SPAG9: variants seen among roughly 807,000 people sequenced by gnomAD.
The protein encoded by SPAG9 is sperm associated antigen 9.
In SPAG9, 35 loss-of-function variants were observed where a neutral mutation model predicts 166.5. That is an observed-to-expected ratio of 0.21 (90% confidence interval 0.16 to 0.28). The LOEUF is 0.28. Ranked by LOEUF, SPAG9 falls within the 10% of genes least tolerant of loss-of-function variation. SPAG9 has a pLI of 1.00. For missense variants in SPAG9, 1,235 were observed against 1,603.3 expected (o/e 0.77, Z 3.92); for synonymous variants, 534 against 565.5 (o/e 0.94, Z 0.79).
chr17:50,982,676 T>A lies in SPAG9; in HGVS notation c.3089-4A>T. Reference sequence around the variant, plus strand: ...TTTGACAAATCCCACTGCCCATCTTTAAAAAAAATAAAAGGTTATAGTAAA... The same window carrying A: ...TTTGACAAATCCCACTGCCCATCTTAAAAAAAAATAAAAGGTTATAGTAAA... On this transcript the variant is annotated splice_region_variant and splice_polypyrimidine_tract_variant and intron_variant, in intron 24 of 29. Coordinates refer to ENST00000262013, the MANE Select transcript of SPAG9 (RefSeq NM_001130528.3). 3 of 1,591,938 alleles carry A rather than the reference T, an allele frequency of 1.9e-6. No individual in the cohort carries two copies. The highest frequency in any genetic ancestry group is 2.6e-6 in the Non-Finnish European group (3 of 1,172,580).
chr17:51,053,850 AAAAAGTATATATATATATATATAT>A, intron 3 of SPAG9, among the ~76,000 whole-genome samples: 1 of 57,210 alleles, frequency 1.7e-5, no homozygotes, highest in East Asian at 5.2e-4. Flanking sequence ...AAAAAAAAAA[AAAAAGTATATATATATATATATAT>A]ATATATATAT....
In SPAG9 at chr17:51,014,353, G is replaced by A; in HGVS notation, c.1092C>T (p.Ser364=). The A allele has an allele frequency of 6.2e-7, 1 of 1,604,980 alleles. No homozygotes were observed. Among genetic ancestry groups the A allele is most frequent in the Non-Finnish European group, 8.5e-7 (1 of 1,175,950 alleles). Reference sequence around the variant, plus strand: ...TGTTCTCTATGCCTTTGGTGGGAGTGCTATGCAACAAGAACAACAAAACCA... The same window carrying A: ...TGTTCTCTATGCCTTTGGTGGGAGTACTATGCAACAAGAACAACAAAACCA... ...DKDLSGYKGS[S]TPTKGIENKA... The change falls in exon 9 of 30, where the codon AGC becomes AGT. Residue 364 remains serine, a splice_region_variant and synonymous_variant. Coordinates refer to ENST00000262013, the MANE Select transcript of SPAG9 (RefSeq NM_001130528.3).
chr17:51,106,979 G>A (rs1038548275), intron 1 of SPAG9, among the ~76,000 whole-genome samples: 3 of 151,340 alleles, frequency 2.0e-5, no homozygotes, highest in African/African-American at 7.3e-5. Context: ...GTGCACGCCT[G>A]TAGTCCCAGC....
chr17:50,984,899 T>C (rs765681555), intron 24 of SPAG9, 24 bp downstream of exon 24: 16 of 1,597,004 alleles, frequency 1.0e-5, no homozygotes, highest in Non-Finnish European at 1.4e-5. Context: ...TTAGTGTCCA[T>C]GTTATACACA....
At chr17:51,054,294 A>T (rs1322908901) in intron 3 of SPAG9, among the ~76,000 whole-genome samples, 1 of 148,964 alleles carries the variant, frequency 6.7e-6, no homozygotes, top group Non-Finnish European at 1.5e-5. Flanking sequence ...TTTTGTATAT[A>T]TTTTTTTTGG....
intron 6 of SPAG9, 89 bp downstream of exon 6, chr17:51,031,592 G>T: frequency 1.1e-6 from 1 of 910,392 alleles, no homozygotes; most frequent in Non-Finnish European, 1.8e-6. Flanking sequence ...CTGAGCATCT[G>T]ATGTCTTGAG....
rs369669997 is a variant in SPAG9, at chr17:50,993,895, C to G, written c.2267G>C (p.Ser756Thr). 1.4e-5 allele frequency: 22 copies of G among 1,614,048 alleles called. No individual in the cohort carries two copies. Among genetic ancestry groups the G allele is most frequent in the Non-Finnish European group, 1.8e-5 (21 of 1,180,028 alleles). ...KELKNQEELS[S>T]LVWICTSTHS... is the part of the protein sequence containing the mutation. Reference sequence around the variant, plus strand: ...AGTGCTGGTACAGATCCAAACTAGACTGGATAATTCTTCTTGATTTTTTAA... The same window carrying G: ...AGTGCTGGTACAGATCCAAACTAGAGTGGATAATTCTTCTTGATTTTTTAA... Residue 756 changes from serine to threonine, a missense_variant, in exon 19 of 30, where the codon AGT becomes ACT. Transcript: ENST00000262013.
At chr17:50,970,410 G>A (rs1301200592) in intron 29 of SPAG9, among the ~76,000 whole-genome samples, 1 of 151,498 alleles carries the variant, frequency 6.6e-6, no homozygotes, top group Non-Finnish European at 1.5e-5. Context: ...GCTACCTGGG[G>A]GGCTGAAGCA....
At position 51,007,262 on chromosome 17, in the gene SPAG9, T is replaced by C. The variant is rs1194851107; in HGVS notation, c.1271+7A>G. ...TTATCTTCTGTTAAAATTTCACATATACTTACTTGGTTTCCAACAGTTGTG... is the reference window on the plus strand; with the variant it reads ...TTATCTTCTGTTAAAATTTCACATACACTTACTTGGTTTCCAACAGTTGTG... On this transcript the variant is annotated splice_region_variant and intron_variant, in intron 10 of 29. Coordinates refer to ENST00000262013, the MANE Select transcript of SPAG9 (RefSeq NM_001130528.3). The C allele has an allele frequency of 2.0e-6, 3 of 1,524,568 alleles. No individual in the cohort carries two copies. Among genetic ancestry groups the C allele is most frequent in the South Asian group, 1.2e-5 (1 of 85,374 alleles). 94.4% of individuals were successfully genotyped at this position (1,524,568 alleles called of 1,614,324 possible). A position where few individuals can be genotyped will look rare whatever the true frequency, so the allele number is the denominator to read the frequency against.
rs1237391358 is a variant in SPAG9 at position 50,989,604 on chromosome 17, G to A, written c.2813+73C>T. On this transcript the variant is annotated intron_variant, in intron 21 of 29. Transcript: ENST00000262013. ...ACTAATTAGTGGAAATCTTTTGACT[G>A]TTTGAGATTATTTTGGTTCCTTTTA... is the stretch of plus-strand genomic sequence containing the variant. The A allele has an allele frequency of 3.4e-6, 4 of 1,175,468 alleles. No homozygotes were observed. In the Admixed American group the frequency reaches 7.7e-5, roughly 23 times the overall value. 72.8% of individuals were successfully genotyped at this position (1,175,468 alleles called of 1,614,324 possible).
intron 1 of SPAG9, among the ~76,000 whole-genome samples, chr17:51,116,539 G>A (rs1356570361): frequency 6.6e-6 from 1 of 152,168 alleles, no homozygotes. Flanking sequence ...CCACAAGGCA[G>A]GAGGATCACT....
intron 12 of SPAG9, among the ~76,000 whole-genome samples, chr17:51,004,506 C>G (rs917306728): frequency 6.6e-6 from 1 of 152,024 alleles, no homozygotes; most frequent in African/African-American, 2.4e-5. Context: ...GGGAGGCTGA[C>G]CAGGGTGGAT....
chr17:51,089,245 A>G (rs1052455080), intron 1 of SPAG9, among the ~76,000 whole-genome samples: 1 of 151,716 alleles, frequency 6.6e-6, no homozygotes, highest in Non-Finnish European at 1.5e-5. Context: ...CCAACATGGT[A>G]AAGCCCTGTC....
In SPAG9 at chr17:51,005,199, A is replaced by G. The variant is rs1242362500; in HGVS notation, c.1476+13T>C. On this transcript the variant is annotated intron_variant, in intron 12 of 29. Transcript: ENST00000262013. ...GGTAAGGTAAGAAAAAAAGTCCAAAATTGTAAACCTACATCATCGTCATCT... is the reference window on the plus strand; with the variant it reads ...GGTAAGGTAAGAAAAAAAGTCCAAAGTTGTAAACCTACATCATCGTCATCT... The G allele has an allele frequency of 6.2e-7, 1 of 1,613,310 alleles. No homozygotes were observed. The highest frequency in any genetic ancestry group is 1.3e-5 in the African/African-American group (1 of 74,920).
At chr17:51,088,576 C>T (rs2048360515) in intron 1 of SPAG9, among the ~76,000 whole-genome samples, 1 of 152,160 alleles carries the variant, frequency 6.6e-6, no homozygotes, top group South Asian at 2.1e-4. Flanking sequence ...GTGGGCAGAT[C>T]ACGAGATCAG....
intron 2 of SPAG9, among the ~76,000 whole-genome samples, chr17:51,071,619 C>T (rs2144596300): frequency 6.6e-6 from 1 of 152,312 alleles, no homozygotes; most frequent in South Asian, 2.1e-4. Flanking sequence ...ATAGACTCAA[C>T]TTTTCAACAT....
At position 51,025,316 on chromosome 17, in the gene SPAG9, C is replaced by CAAA. The variant is rs10549685; in HGVS notation, c.784-3954_784-3952dup. On this transcript the variant is annotated intron_variant, in intron 6 of 29. Coordinates refer to ENST00000262013, the MANE Select transcript of SPAG9 (RefSeq NM_001130528.3). ...CTGGTGACAGGGTGAGACTCTGTCT[C>CAAA]AAAAAAAAAAAAAAAAAAAAAAAAA... Among the ~76,000 whole-genome samples the CAAA allele has an allele frequency of 2.3e-3, 140 of 61,112 alleles. 12 individuals carry two copies. Among genetic ancestry groups the CAAA allele is most frequent in the Middle Eastern group, 0.014 (1 of 74 alleles). 40.1% of individuals were successfully genotyped at this position (61,112 alleles called of 152,430 possible).
At chr17:50,974,646 C>T in intron 28 of SPAG9, 125 bp downstream of exon 28, 1 of 782,388 alleles carries the variant, frequency 1.3e-6, no homozygotes, top group Non-Finnish European at 1.9e-6. Context: ...TACAGAACTT[C>T]CTTCGTATAT....
At chr17:51,077,041 TCTAGCTATCTAG>T (rs1288825073) in intron 2 of SPAG9, among the ~76,000 whole-genome samples, 74 of 98,556 alleles carry the variant, frequency 7.5e-4, no homozygotes, top group South Asian at 2.2e-3. Context: ...TATCTAGCTA[TCTAGCTATCTAG>T]CTAGCTATCT....
Sources: gnomAD v4.1 joint callset for allele counts (sites outside exome capture counted in the v4.1 genomes callset) on GRCh38, gnomAD v4.1.1 for gene constraint, MANE v1.5 for transcripts, NCBI Gene and HGNC (gene_info 2026-07-23, HGNC 2026-07-21) for gene names.